SGCD: variants seen among roughly 807,000 people sequenced by gnomAD.
SGCD encodes the protein sarcoglycan delta.
Under a neutral mutation model 36.6 loss-of-function variants are expected in SGCD, and 18 were observed. That is an observed-to-expected ratio of 0.49 (90% CI 0.34 to 0.73). The LOEUF (loss-of-function observed/expected upper bound fraction) is 0.73, where lower values mean the gene tolerates loss of function less well. Among genes scored for constraint, SGCD ranks in the 30% least tolerant of loss-of-function variants. SGCD has a pLI of 0.01. For missense variants in SGCD, 387 were observed against 346.7 expected (o/e 1.12, Z -0.92); for synonymous variants, 133 against 130.6 (o/e 1.02, Z -0.12).
intron 1 of SGCD, among the ~76,000 whole-genome samples, chr5:155,887,038 A>G (rs1423942909): frequency 6.6e-6 from 1 of 152,120 alleles, no homozygotes; most frequent in Non-Finnish European, 1.5e-5. Context: ...TGTCCCTTTT[A>G]TTTCATGGAA....
At chr5:155,776,833 A>G in the SGCD span, among the ~76,000 whole-genome samples, 5 of 152,182 alleles carry the variant, frequency 3.3e-5, no homozygotes, top group African/African-American at 4.8e-5. Context: ...CAGTTATACT[A>G]TGGCATGAAC....
Position 155,880,071 on chromosome 5 carries a change from T to C in SGCD, c.-282+9647T>C, listed in dbSNP as rs941117864. Among the ~76,000 whole-genome samples the C allele has an allele frequency of 6.6e-5, 10 of 152,308 alleles. No individual in the cohort carries two copies. The East Asian group carries it at 1.9e-3, about 29-fold the overall frequency. On this transcript the variant is annotated intron_variant, in intron 1 of 9. Transcript: ENST00000517913. ...AAGAACTTCAAGAGCGCAGCCACTA[T>C]GCAGAATTTAAGAGCTCTGAAGTTA... is the stretch of plus-strand genomic sequence containing the variant.
intron 1 of SGCD, among the ~76,000 whole-genome samples, chr5:156,075,388 A>T (rs181026788): frequency 3.4e-5 from 5 of 146,792 alleles, no homozygotes; most frequent in African/African-American, 1.4e-4. Flanking sequence ...TATAAAAAAT[A>T]AAAAAATCAT....
At chr5:156,648,234 C>T (rs1463480059) in intron 7 of SGCD, among the ~76,000 whole-genome samples, 1 of 148,560 alleles carries the variant, frequency 6.7e-6, no homozygotes, top group South Asian at 2.1e-4. Flanking sequence ...AGTTATTCAT[C>T]ATAACTGTGA....
chr5:156,465,006 A>G (rs1287362221), intron 3 of SGCD, among the ~76,000 whole-genome samples: 1 of 152,160 alleles, frequency 6.6e-6, no homozygotes, highest in East Asian at 1.9e-4. Context: ...GAGCTCTCTT[A>G]GAAGCAAATT....
At chr5:156,075,561 G>T (rs1034776441) in intron 1 of SGCD, among the ~76,000 whole-genome samples, 1 of 152,096 alleles carries the variant, frequency 6.6e-6, no homozygotes, top group African/African-American at 2.4e-5. Flanking sequence ...TCTGTATAAA[G>T]GTTGTTGAAT....
chr5:156,047,488 T>C (rs896339889), intron 1 of SGCD, among the ~76,000 whole-genome samples: 3 of 152,108 alleles, frequency 2.0e-5, no homozygotes, highest in Admixed American at 1.3e-4. Context: ...AGCCAATACT[T>C]ATTAACTGAT....
chr5:156,552,639 A>G (rs747835394), intron 4 of SGCD, among the ~76,000 whole-genome samples: 1 of 152,164 alleles, frequency 6.6e-6, no homozygotes. Flanking sequence ...GGGTCAGCTC[A>G]TTTGAAAATA....
intron 4 of SGCD, among the ~76,000 whole-genome samples, chr5:156,523,696 C>G (rs957813799): frequency 9.9e-5 from 15 of 151,964 alleles, no homozygotes; most frequent in Non-Finnish European, 1.9e-4. Flanking sequence ...TTTCGATATT[C>G]TTACACGGTA....
rs2127875640 is a variant in SGCD at position 156,508,701 on chromosome 5, C to G, written c.293C>G (p.Pro98Arg). 1 of 1,551,702 alleles carries G rather than the reference C, an allele frequency of 6.4e-7. No homozygotes were observed. Among genetic ancestry groups the G allele is most frequent in the East Asian group, 2.2e-5 (1 of 44,456 alleles). Residue 98 changes from proline (P) to arginine (R), a missense_variant and splice_region_variant, in exon 4 of 9, where the codon CCA (proline) becomes CGA (arginine). Coordinates refer to ENST00000337851, the MANE Select transcript of SGCD (RefSeq NM_000337.6). The stretch of plus-strand genomic sequence containing the variant: ...TACGCCAAAGAAATCCAGTCCCGAC[C>G]AGTAAGTTTCTGCTGAGAGAAGGAG... ...PLYAKEIQSR[P>R]GNALYFKSAR...
the SGCD span, among the ~76,000 whole-genome samples, chr5:155,738,722 G>C: frequency 6.7e-6 from 1 of 148,874 alleles, no homozygotes; most frequent in Non-Finnish European, 1.5e-5. Flanking sequence ...GTGTGAGAGA[G>C]TGTGTGTGAG....
chr5:156,149,533 G>A (rs1762783931), intron 3 of SGCD, among the ~76,000 whole-genome samples: 1 of 152,018 alleles, frequency 6.6e-6, no homozygotes, highest in African/African-American at 2.4e-5. Context: ...CTCAGTAAAG[G>A]GCAGCCCTAG....
the SGCD span, among the ~76,000 whole-genome samples, chr5:155,766,532 C>T: frequency 2.6e-5 from 4 of 152,102 alleles, no homozygotes; most frequent in Admixed American, 1.3e-4. Flanking sequence ...ATTAGAAATG[C>T]CATTTGATTG....
intron 1 of SGCD, among the ~76,000 whole-genome samples, chr5:156,098,844 C>T (rs1232840187): frequency 6.6e-6 from 1 of 152,218 alleles, no homozygotes; most frequent in Non-Finnish European, 1.5e-5. Context: ...AGCTGAGTCT[C>T]TCTTGCCAGC....
intron 4 of SGCD, among the ~76,000 whole-genome samples, chr5:156,524,287 TTATATA>T (rs5872468): frequency 7.7e-6 from 1 of 130,176 alleles, no homozygotes; most frequent in Non-Finnish European, 1.6e-5. Flanking sequence ...ATATATATAG[TTATATA>T]TATATATATA....
chr5:156,252,666 CTT>C (rs1765612513), intron 3 of SGCD, among the ~76,000 whole-genome samples: 1 of 152,202 alleles, frequency 6.6e-6, no homozygotes, highest in African/African-American at 2.4e-5. Flanking sequence ...TAGATGCAAA[CTT>C]AGCCTGAAGC....
intron 1 of SGCD, among the ~76,000 whole-genome samples, chr5:155,953,846 C>T (rs765455939): frequency 5.9e-5 from 9 of 152,084 alleles, no homozygotes; most frequent in Admixed American, 1.3e-4. Flanking sequence ...TTCAGTTGTG[C>T]GTTAAAATAT....
At chr5:156,175,817 A>G (rs1413062292) in intron 3 of SGCD, among the ~76,000 whole-genome samples, 1 of 151,894 alleles carries the variant, frequency 6.6e-6, no homozygotes, top group Non-Finnish European at 1.5e-5. Context: ...AATAATAACA[A>G]AAGTAAATGT....
chr5:156,375,254 T>G (rs1263749588), intron 3 of SGCD, among the ~76,000 whole-genome samples: 1 of 152,222 alleles, frequency 6.6e-6, no homozygotes, highest in Non-Finnish European at 1.5e-5. Flanking sequence ...CAATGTGTAT[T>G]TCCTAAGAAC....
Sources: gnomAD v4.1 joint callset for allele counts (sites outside exome capture counted in the v4.1 genomes callset) on GRCh38, gnomAD v4.1.1 for gene constraint, MANE v1.5 for transcripts, NCBI Gene and HGNC (gene_info 2026-07-23, HGNC 2026-07-21) for gene names.